Variants in NRXN1 observed in about 807,000 individuals in gnomAD.
NRXN1 encodes neurexin-1.
Under a neutral mutation model 150.9 loss-of-function variants are expected in NRXN1, and 39 were observed. The observed-to-expected ratio is 0.26, with a 90% CI of 0.20 to 0.34. The LOEUF (loss-of-function observed/expected upper bound fraction) is 0.34. Ranked by LOEUF, NRXN1 falls within the 10% of genes least tolerant of loss-of-function variation. The pLI is 1.00. For missense variants in NRXN1, 1,815 were observed against 1,949.9 expected (o/e 0.93, Z 1.30); for synonymous variants, 924 against 757.0 (o/e 1.22, Z -3.62).
chr2:50,476,337 C>T lies in NRXN1; in HGVS notation c.3071-3866G>A, dbSNP rs139555819. Among the ~76,000 whole-genome samples the T allele has an allele frequency of 5.3e-3, 813 of 152,256 alleles. 1 individual carries two copies. Among genetic ancestry groups the T allele is most frequent in the Middle Eastern group, 0.01 (3 of 294 alleles). ...GCAGTAATGACTAGGGAATAGGGCA[C>T]AGGCATTTTGGTTTTCTCTGTCTAC... On this transcript the variant is annotated intron_variant, in intron 15 of 22. Coordinates refer to ENST00000401669, the MANE Select transcript of NRXN1 (RefSeq NM_001330078.2).
At chr2:50,408,278 T>C (rs927104009) in intron 17 of NRXN1, among the ~76,000 whole-genome samples, 1 of 152,168 alleles carries the variant, frequency 6.6e-6, no homozygotes, top group Non-Finnish European at 1.5e-5. Flanking sequence ...GAGAGTCTGG[T>C]TAAGTTTATT....
chr2:50,101,267 G>A (rs772709300), intron 18 of NRXN1, among the ~76,000 whole-genome samples: 11 of 151,978 alleles, frequency 7.2e-5, no homozygotes, highest in Non-Finnish European at 1.3e-4. Flanking sequence ...GCATCTGCCT[G>A]AATCCTTGTC....
Position 49,935,066 on chromosome 2 carries a change from T to G in NRXN1, c.4216+8638A>C, listed in dbSNP as rs1026866965. On this transcript the variant is annotated intron_variant, in intron 22 of 22. Coordinates refer to ENST00000401669, the MANE Select transcript of NRXN1 (RefSeq NM_001330078.2). Reference sequence around the variant, plus strand: ...TTTATGATATGGTTTACTATTTAGTTAGTTTGCTACTACTACTAATAAAAG... The same window carrying G: ...TTTATGATATGGTTTACTATTTAGTGAGTTTGCTACTACTACTAATAAAAG... Among the ~76,000 whole-genome samples, 4 of 152,240 alleles carry G rather than the reference T, an allele frequency of 2.6e-5. No homozygotes were observed. The East Asian group carries it at 7.7e-4, about 29-fold the overall frequency.
chr2:50,993,088 CAG>C (rs1275297839), intron 2 of NRXN1, among the ~76,000 whole-genome samples: 1 of 151,844 alleles, frequency 6.6e-6, no homozygotes. Flanking sequence ...AATATATCAA[CAG>C]GGAATTATTT....
chr2:50,280,624 C>T (rs2071298459), intron 17 of NRXN1, among the ~76,000 whole-genome samples: 1 of 152,108 alleles, frequency 6.6e-6, no homozygotes, highest in African/African-American at 2.4e-5. Flanking sequence ...TTGAGGATAG[C>T]CTGAGACAAC....
chr2:50,040,043 TG>T, intron 21 of NRXN1, among the ~76,000 whole-genome samples: 1 of 152,128 alleles, frequency 6.6e-6, no homozygotes, highest in Non-Finnish European at 1.5e-5. Context: ...GTAATCTAAA[TG>T]GTCTTCATTG....
At chr2:50,311,728 T>A (rs1305876930) in intron 17 of NRXN1, among the ~76,000 whole-genome samples, 1 of 152,152 alleles carries the variant, frequency 6.6e-6, no homozygotes, top group Non-Finnish European at 1.5e-5. Flanking sequence ...GTATTTGACT[T>A]ATTTCACTTA....
chr2:50,558,784 G>A (rs185420395), intron 8 of NRXN1, among the ~76,000 whole-genome samples: 1 of 152,318 alleles, frequency 6.6e-6, no homozygotes, highest in Admixed American at 6.5e-5. Flanking sequence ...TGAAGGCCGA[G>A]CGCAGTGGCT....
intron 8 of NRXN1, among the ~76,000 whole-genome samples, chr2:50,590,992 G>A (rs1045190353): frequency 8.5e-5 from 13 of 152,208 alleles, no homozygotes; most frequent in Non-Finnish European, 1.6e-4. Context: ...CTCCCCCACT[G>A]AGGTCTCTGT....
At chr2:50,253,371 A>T (rs759861163) in intron 17 of NRXN1, among the ~76,000 whole-genome samples, 2 of 152,080 alleles carry the variant, frequency 1.3e-5, no homozygotes, top group African/African-American at 2.4e-5. Context: ...AGACAGTTTA[A>T]CTTCCTTTCT....
intron 5 of NRXN1, among the ~76,000 whole-genome samples, chr2:50,698,872 T>G (rs997791581): frequency 3.3e-5 from 5 of 152,236 alleles, no homozygotes; most frequent in African/African-American, 1.2e-4. Flanking sequence ...TTCTCCATGT[T>G]TGAAGTACAC....
At chr2:50,644,491 A>G (rs1347320365) in intron 5 of NRXN1, among the ~76,000 whole-genome samples, 1 of 151,710 alleles carries the variant, frequency 6.6e-6, no homozygotes, top group African/African-American at 2.4e-5. Context: ...ACAAATAAGC[A>G]ACCCCTGGAG....
At chr2:50,768,171 G>A (rs1702582948) in intron 5 of NRXN1, among the ~76,000 whole-genome samples, 1 of 152,184 alleles carries the variant, frequency 6.6e-6, no homozygotes, top group African/African-American at 2.4e-5. Flanking sequence ...TGATACCAAG[G>A]AAGAAATGTT....
At position 51,020,101 on chromosome 2, in the gene NRXN1, A is replaced by G. The variant is rs567203385; in HGVS notation, c.772+7401T>C. ...AGGGAGAGTTTACATACAGTAAAGC[A>G]TATACATTTTACGTATATAGTTCAG... On this transcript the variant is annotated intron_variant, in intron 2 of 22. Coordinates refer to ENST00000401669, the MANE Select transcript of NRXN1 (RefSeq NM_001330078.2). Among the ~76,000 whole-genome samples, 67 of 151,832 alleles carry G rather than the reference A, an allele frequency of 4.4e-4. 1 individual carries two copies. Among genetic ancestry groups the G allele is most frequent in the African/African-American group, 1.5e-3 (63 of 41,474 alleles).
chr2:50,136,656 A>C (rs992595308), intron 18 of NRXN1, among the ~76,000 whole-genome samples: 1 of 152,214 alleles, frequency 6.6e-6, no homozygotes. Context: ...TAAGGCAAAA[A>C]GAAAAAAAGG....
intron 8 of NRXN1, among the ~76,000 whole-genome samples, chr2:50,606,250 G>GGA (rs1677101936): frequency 1.3e-5 from 1 of 75,524 alleles, no homozygotes; most frequent in South Asian, 5.3e-4. Context: ...CTCTGTTTCA[G>GGA]AAAAAAAAAA....
chr2:50,301,781 C>G (rs2074174031), intron 17 of NRXN1, among the ~76,000 whole-genome samples: 1 of 152,126 alleles, frequency 6.6e-6, no homozygotes, highest in Non-Finnish European at 1.5e-5. Context: ...AAGATGAGGC[C>G]CATTGCCTAT....
chr2:50,875,641 C>A (rs1270216418), intron 5 of NRXN1, among the ~76,000 whole-genome samples: 1 of 151,708 alleles, frequency 6.6e-6, no homozygotes, highest in African/African-American at 2.4e-5. Flanking sequence ...GATTTTATTT[C>A]TTTTCCCAAT....
At chr2:49,991,140 A>G (rs1486663971) in intron 21 of NRXN1, among the ~76,000 whole-genome samples, 1 of 152,210 alleles carries the variant, frequency 6.6e-6, no homozygotes, top group Non-Finnish European at 1.5e-5. Flanking sequence ...TAATAGTGAG[A>G]AACTTGACAC....
Sources: allele counts gnomAD v4.1 joint callset (sites outside exome capture counted in the v4.1 genomes callset), GRCh38; gene constraint gnomAD v4.1.1; transcripts MANE v1.5; gene names NCBI Gene and HGNC (gene_info 2026-07-23, HGNC 2026-07-21).